Variants in STX12 observed in about 807,000 individuals in gnomAD.
STX12 encodes the protein syntaxin 12.
In STX12, 17 loss-of-function variants were observed where a neutral mutation model predicts 42.2. The observed-to-expected ratio is 0.40, with a 90% CI of 0.28 to 0.60. The LOEUF (loss-of-function observed/expected upper bound fraction) is 0.60. Among genes scored for constraint, STX12 ranks in the 20% least tolerant of loss-of-function variants. The probability of loss-of-function intolerance (pLI) is 0.39; values close to 1 mark genes in which losing one functional copy is unlikely to be tolerated. For missense variants in STX12, 297 were observed against 330.9 expected, an observed-to-expected ratio of 0.90 and a Z score of 0.79; for synonymous variants, 108 against 116.7, an observed-to-expected ratio of 0.93 and a Z score of 0.48.
intron 3 of STX12, among the ~76,000 whole-genome samples, chr1:27,801,412 GAA>G (rs200781500): frequency 9.3e-6 from 1 of 107,718 alleles, no homozygotes. Context: ...TCAATAAAAA[GAA>G]AAAAAAAAAA....
chr1:27,793,740 G>C, intron 3 of STX12, 108 bp downstream of exon 3: 1 of 752,946 alleles, frequency 1.3e-6, no homozygotes, highest in East Asian at 2.7e-5. Context: ...TAGATAGATA[G>C]ACCTCCTCTG....
At chr1:27,808,314 TA>T (rs2088878806) in intron 4 of STX12, among the ~76,000 whole-genome samples, 1 of 112,614 alleles carries the variant, frequency 8.9e-6, no homozygotes, top group Non-Finnish European at 1.6e-5. Flanking sequence ...CTTTGTTTTT[TA>T]TTTATTTATT....
intron 3 of STX12, among the ~76,000 whole-genome samples, chr1:27,797,047 C>T (rs1403045341): frequency 6.6e-6 from 1 of 151,300 alleles, no homozygotes; most frequent in Non-Finnish European, 1.5e-5. Flanking sequence ...GACACAGTTT[C>T]ACTGTGTCAC....
intron 3 of STX12, among the ~76,000 whole-genome samples, chr1:27,800,080 G>T (rs2148603067): frequency 6.6e-6 from 1 of 152,266 alleles, no homozygotes; most frequent in Non-Finnish European, 1.5e-5. Context: ...AACCTGCTGT[G>T]GTTGGCCCCT....
chr1:27,814,853 A>AG (rs1189463225), intron 6 of STX12, among the ~76,000 whole-genome samples: 1 of 151,896 alleles, frequency 6.6e-6, no homozygotes, highest in Non-Finnish European at 1.5e-5. Flanking sequence ...AAAAAAAAAA[A>AG]ATACAGTTGG....
chr1:27,807,167 T>C (rs75187008), intron 4 of STX12, among the ~76,000 whole-genome samples: 3,288 of 152,272 alleles, frequency 0.022, 96 homozygotes, highest in African/African-American at 0.073. Context: ...GTAAATGGGG[T>C]GTCTATCCCC....
chr1:27,773,888 A>G, intron 1 of STX12: 1 of 161,602 alleles, frequency 6.2e-6, no homozygotes, highest in South Asian at 1.5e-4. Context: ...CTCCTCGGAA[A>G]TCAGCAACTT....
chr1:27,779,334 T>G (rs1413998367), intron 1 of STX12, among the ~76,000 whole-genome samples: 1 of 126,078 alleles, frequency 7.9e-6, no homozygotes, highest in Non-Finnish European at 1.5e-5. Context: ...TTTGTTTTTG[T>G]TTTTTTTTGT....
intron 2 of STX12, among the ~76,000 whole-genome samples, chr1:27,792,228 A>C (rs918450368): frequency 9.4e-4 from 128 of 136,166 alleles, no homozygotes; most frequent in Non-Finnish European, 1.4e-3. Context: ...ATATATGTAT[A>C]TACATATATA....
chr1:27,782,390 G>A (rs1013168960), intron 1 of STX12, among the ~76,000 whole-genome samples: 6 of 152,172 alleles, frequency 3.9e-5, no homozygotes, highest in African/African-American at 1.4e-4. Context: ...GAACCACCAT[G>A]CCTGGCCATA....
At chr1:27,794,783 G>T (rs1212478163) in intron 3 of STX12, among the ~76,000 whole-genome samples, 1 of 152,112 alleles carries the variant, frequency 6.6e-6, no homozygotes. Context: ...GAGTGCAGTG[G>T]CAATCATAGC....
At chr1:27,818,633 CT>C (rs201465138) in intron 7 of STX12, among the ~76,000 whole-genome samples, 342 of 143,006 alleles carry the variant, frequency 2.4e-3, no homozygotes, top group Non-Finnish European at 2.9e-3. Flanking sequence ...GTTAGTAACC[CT>C]TTTTTTTTTT....
rs949459930 is a variant in STX12 at position 27,808,593 on chromosome 1, C to T, written c.427-1653C>T. Among the ~76,000 whole-genome samples, 7 of 152,196 alleles carry T rather than the reference C, an allele frequency of 4.6e-5. No individual in the cohort carries two copies. In the East Asian group the frequency reaches 5.8e-4, roughly 13 times the overall value. On this transcript the variant is annotated intron_variant, in intron 4 of 8. Transcript: ENST00000373943. ...TGACCTCAAAGTGATCTGCCCACCT[C>T]GGCCTCTCAAAGTGCTGGGATTGGG...
intron 3 of STX12, among the ~76,000 whole-genome samples, chr1:27,799,763 G>GT (rs1053943508): frequency 4.0e-5 from 6 of 149,182 alleles, no homozygotes; most frequent in South Asian, 4.2e-4. Context: ...GTTTTGTTTT[G>GT]TTTTTTGAGA....
chr1:27,793,834 G>A (rs1392545743), intron 3 of STX12, among the ~76,000 whole-genome samples: 1 of 152,106 alleles, frequency 6.6e-6, no homozygotes, highest in Non-Finnish European at 1.5e-5. Flanking sequence ...GTGGCAAAGT[G>A]TCTGCGTCTG....
intron 1 of STX12, among the ~76,000 whole-genome samples, chr1:27,774,873 TATG>T (rs1265571588): frequency 5.3e-5 from 8 of 152,178 alleles, no homozygotes; most frequent in South Asian, 2.1e-4. Context: ...GGGGTCTCAC[TATG>T]TTGCCCAGGC....
intron 4 of STX12, among the ~76,000 whole-genome samples, chr1:27,803,753 C>T (rs2088841144): frequency 6.6e-6 from 1 of 152,202 alleles, no homozygotes; most frequent in South Asian, 2.1e-4. Flanking sequence ...CCTGTAATCC[C>T]AGCACTTTGG....
intron 1 of STX12, among the ~76,000 whole-genome samples, chr1:27,782,605 G>A (rs2088675765): frequency 6.6e-6 from 1 of 152,100 alleles, no homozygotes; most frequent in Admixed American, 6.5e-5. Context: ...TGGGAGGGCA[G>A]GGTGGGCAGA....
At chr1:27,818,065 C>T (rs776260561) in intron 7 of STX12, 142 bp downstream of exon 7, 1 of 652,136 alleles carries the variant, frequency 1.5e-6, no homozygotes, top group Non-Finnish European at 2.6e-6. Flanking sequence ...GAGAATTTGT[C>T]TCTTAAAAAA....
Sources: allele counts gnomAD v4.1 joint callset (sites outside exome capture counted in the v4.1 genomes callset), GRCh38; gene constraint gnomAD v4.1.1; transcripts MANE v1.5; gene names NCBI Gene and HGNC (gene_info 2026-07-23, HGNC 2026-07-21).